The following VPS13D variants were observed in gnomAD, a reference collection of about 807,000 sequenced individuals.
VPS13D encodes intermembrane lipid transfer protein VPS13D.
In VPS13D, 187 loss-of-function variants were observed where a neutral mutation model predicts 461.9. The ratio of observed to expected loss-of-function variants is 0.40; its 90% CI spans 0.36 to 0.46. VPS13D has a LOEUF of 0.46. VPS13D is among the 20% of genes least tolerant of loss of function. The pLI, the probability that VPS13D is intolerant of heterozygous loss-of-function variation, is 0.60. For missense variants in VPS13D, 4,711 were observed against 5,364.9 expected (o/e 0.88, Z 3.81); for synonymous variants, 1,951 against 1,986.3 (o/e 0.98, Z 0.47).
At chr1:12,456,784 A>G (rs1179585444) in intron 66 of VPS13D, among the ~76,000 whole-genome samples, 3 of 152,136 alleles carry the variant, frequency 2.0e-5, no homozygotes, top group African/African-American at 7.2e-5. Flanking sequence ...CGCTTTCTGA[A>G]TGTTGTGCAC....
At chr1:12,374,837 A>C (rs560702341) in intron 55 of VPS13D, among the ~76,000 whole-genome samples, 192 of 152,286 alleles carry the variant, frequency 1.3e-3, no homozygotes, top group Non-Finnish European at 8.2e-4. Context: ...TCCTGGGTTC[A>C]AGTGATTCTC....
intron 6 of VPS13D, among the ~76,000 whole-genome samples, chr1:12,252,350 A>C (rs1163613971): frequency 1.3e-5 from 2 of 152,136 alleles, no homozygotes; most frequent in Non-Finnish European, 2.9e-5. Context: ...CCCCCACCGC[A>C]CACATCCAGT....
rs1447569886 is a variant in VPS13D, at chr1:12,268,054, C to T, written c.1801+134C>T. 23 of 635,590 alleles carry T rather than the reference C, an allele frequency of 3.6e-5. No homozygotes were observed. The East Asian group carries it at 4.1e-4, about 11-fold the overall frequency. 39.4% of individuals were successfully genotyped at this position (635,590 alleles called of 1,614,324 possible). On this transcript the variant is annotated intron_variant, in intron 15 of 69. Coordinates refer to ENST00000620676, the MANE Select transcript of VPS13D (RefSeq NM_015378.4). ...TTGGCTCACTGCAACCTCTGCCTCCCGGGTTCGAGTGATTCTCATGCCCTT... is the reference window on the plus strand; with the variant it reads ...TTGGCTCACTGCAACCTCTGCCTCCTGGGTTCGAGTGATTCTCATGCCCTT...
At chr1:12,304,450 C>T in intron 25 of VPS13D, 56 bp from the exon 26 acceptor site, 2 of 1,493,502 alleles carry the variant, frequency 1.3e-6, no homozygotes, top group Non-Finnish European at 1.8e-6. Flanking sequence ...AGTCCCACCA[C>T]CAGTGCTGCC....
In VPS13D at chr1:12,279,464, G is replaced by GT. The variant is rs1377579385; in HGVS notation, c.4451-32dup. 1 of 1,571,066 alleles carries GT rather than the reference G, an allele frequency of 6.4e-7. No homozygotes were observed. Among genetic ancestry groups the GT allele is most frequent in the Non-Finnish European group, 8.7e-7 (1 of 1,151,552 alleles). On this transcript the variant is annotated intron_variant, in intron 19 of 69. Transcript: ENST00000620676. The surrounding 1 kb of genome is among the most constrained non-coding windows in gnomAD (Gnocchi z 4.3). ...CAGCAGTAATGAAGTAAATATTAAGGTTTATGGTCTATCATTTCATCTCTT... is the reference window on the plus strand; with the variant it reads ...CAGCAGTAATGAAGTAAATATTAAGGTTTTATGGTCTATCATTTCATCTCTT...
chr1:12,342,277 A>C (rs1264047695), intron 41 of VPS13D, among the ~76,000 whole-genome samples: 1 of 152,094 alleles, frequency 6.6e-6, no homozygotes, highest in East Asian at 1.9e-4. Context: ...AAACATCCCC[A>C]TTCTCCCTCT....
At chr1:12,435,138 C>G (rs1645043417) in intron 65 of VPS13D, among the ~76,000 whole-genome samples, 1 of 152,166 alleles carries the variant, frequency 6.6e-6, no homozygotes, top group African/African-American at 2.4e-5. Flanking sequence ...GGGATAGACA[C>G]TGATACTGAT....
chr1:12,417,292 G>A (rs913576394), intron 65 of VPS13D, among the ~76,000 whole-genome samples: 1 of 152,206 alleles, frequency 6.6e-6, no homozygotes, highest in Admixed American at 6.5e-5. Context: ...CAGATGGACA[G>A]TGATGTCATT....
In VPS13D at chr1:12,273,024, G is replaced by C; in HGVS notation, c.2125G>C (p.Val709Leu). 5 of 1,614,002 alleles carry C rather than the reference G, an allele frequency of 3.1e-6. No homozygotes were observed. The highest frequency in any genetic ancestry group is 4.2e-6 in the Non-Finnish European group (5 of 1,179,954). ...DFIEESKRWT[V>L]RLDISAPQVI... ...ACAGGAGGAGAGTAAACGATGGACC[G>C]TGCGGCTGGATATTTCTGCCCCTCA... The change falls in exon 18 of 70, where the codon GTG becomes CTG. Residue 709 changes from valine (V) to leucine (L), a missense_variant. Coordinates refer to ENST00000620676, the MANE Select transcript of VPS13D (RefSeq NM_015378.4).
At chr1:12,306,867 A>C (rs1285968186) in intron 26 of VPS13D, among the ~76,000 whole-genome samples, 2 of 152,320 alleles carry the variant, frequency 1.3e-5, no homozygotes, top group South Asian at 4.1e-4. Flanking sequence ...GCAATTCCCA[A>C]TAGGGTTTGC....
chr1:12,409,638 G>A (rs1053339008), intron 63 of VPS13D, among the ~76,000 whole-genome samples: 8 of 152,018 alleles, frequency 5.3e-5, no homozygotes, highest in South Asian at 2.1e-4. Flanking sequence ...TTTTATATTC[G>A]GTAAGGAAGA....
chr1:12,269,751 C>T (rs1014986054), intron 16 of VPS13D, among the ~76,000 whole-genome samples: 1 of 152,148 alleles, frequency 6.6e-6, no homozygotes, highest in Admixed American at 6.6e-5. Context: ...TCCCTTCCCC[C>T]TTTATTACAA....
Position 12,383,027 on chromosome 1 carries a change from C to T in VPS13D, c.11242C>T (p.Pro3748Ser), listed in dbSNP as rs1463029256. Residue 3748 changes from proline to serine, a missense_variant, in exon 58 of 70, where the codon CCT (proline) becomes TCT (serine). Transcript: ENST00000620676. ...LFDGAEVVLG[P>S]DTSMELLGPV... is the part of the protein sequence containing the mutation. Reference sequence around the variant, plus strand: ...TGATGGAGCTGAAGTTGTTCTTGGTCCTGACACTTCCATGGAGCTTTTGGG... The same window carrying T: ...TGATGGAGCTGAAGTTGTTCTTGGTTCTGACACTTCCATGGAGCTTTTGGG... 36 of 1,614,014 alleles carry T rather than the reference C, an allele frequency of 2.2e-5. 2 individuals are homozygous for T. In the Admixed American group the frequency reaches 6.0e-4, roughly 27 times the overall value.
chr1:12,396,452 GAAC>G (rs907421499), intron 60 of VPS13D, among the ~76,000 whole-genome samples: 1 of 152,128 alleles, frequency 6.6e-6, no homozygotes, highest in African/African-American at 2.4e-5. Context: ...TGTGCTATCA[GAAC>G]AACTTCTATC....
At chr1:12,353,829 T>G (rs942133538) in intron 46 of VPS13D, 145 bp from the exon 47 acceptor site, 9 of 827,186 alleles carry the variant, frequency 1.1e-5, no homozygotes, top group Non-Finnish European at 1.5e-5. Context: ...CATTTATATC[T>G]TAATAAATGT....
At chr1:12,417,548 G>C (rs968360479) in intron 65 of VPS13D, among the ~76,000 whole-genome samples, 15 of 152,096 alleles carry the variant, frequency 9.9e-5, no homozygotes, top group African/African-American at 3.4e-4. Context: ...AACTCATTTG[G>C]AGGAAACACC....
chr1:12,503,422 G>A (rs568064972), intron 68 of VPS13D, among the ~76,000 whole-genome samples: 4 of 151,746 alleles, frequency 2.6e-5, no homozygotes, highest in Admixed American at 2.0e-4. Context: ...GGGCTCCAGC[G>A]ATCCTCCCAC....
intron 67 of VPS13D, chr1:12,496,983 A>C (rs993249545): frequency 6.6e-6 from 1 of 152,420 alleles, no homozygotes; most frequent in Non-Finnish European, 1.5e-5. Flanking sequence ...AGAAGTCTCA[A>C]GGGTTGGTGT....
At chr1:12,449,048 G>C (rs1645228734) in intron 65 of VPS13D, among the ~76,000 whole-genome samples, 2 of 152,004 alleles carry the variant, frequency 1.3e-5, no homozygotes, top group Admixed American at 1.3e-4. Flanking sequence ...AAAAAGGAGT[G>C]TCTGTTGCCT....
Sources: gnomAD v4.1 joint callset for allele counts (sites outside exome capture counted in the v4.1 genomes callset) on GRCh38, gnomAD v4.1.1 for gene constraint, Gnocchi (gnomAD v3.1) non-coding constraint, MANE v1.5 for transcripts, NCBI Gene and HGNC (gene_info 2026-07-23, HGNC 2026-07-21) for gene names.